Variants in JAZF1 observed in about 807,000 individuals in gnomAD.
The protein encoded by JAZF1 is JAZF zinc finger 1, also known as juxtaposed with another zinc finger protein 1.
Under a neutral mutation model 26.4 loss-of-function variants are expected in JAZF1, and 8 were observed. The ratio of observed to expected loss-of-function variants is 0.30; its 90% CI spans 0.18 to 0.55. The LOEUF (loss-of-function observed/expected upper bound fraction) is 0.55, where lower values mean the gene tolerates loss of function less well. Ranked by LOEUF, JAZF1 falls within the 20% of genes least tolerant of loss-of-function variation. The pLI, the probability that JAZF1 is intolerant of heterozygous loss-of-function variation, is 0.94. For missense variants in JAZF1, 199 were observed against 322.0 expected, an observed-to-expected ratio of 0.62 and a Z score of 2.92; for synonymous variants, 126 against 122.3, an observed-to-expected ratio of 1.03 and a Z score of -0.20.
intron 1 of JAZF1, among the ~76,000 whole-genome samples, chr7:28,096,173 T>C (rs1784381551): frequency 6.6e-6 from 1 of 152,076 alleles, no homozygotes; most frequent in South Asian, 2.1e-4. Flanking sequence ...AAGAGAGAAG[T>C]GGGAGGCAGG....
At chr7:27,927,301 A>G (rs1014339242) in intron 2 of JAZF1, among the ~76,000 whole-genome samples, 1 of 152,182 alleles carries the variant, frequency 6.6e-6, no homozygotes, top group Non-Finnish European at 1.5e-5. Flanking sequence ...TATTTACTAA[A>G]GAAATGAACA....
rs188293263 is a variant in JAZF1 at position 27,935,605 on chromosome 7, A to T, written c.189-40189T>A. The stretch of plus-strand genomic sequence containing the variant: ...TTTGAGAGATGACAAAAATATTCTA[A>T]AACTAGGTTGTATTGATGGCTGCAC... On this transcript the variant is annotated intron_variant, in intron 2 of 4. Transcript: ENST00000283928. Among the ~76,000 whole-genome samples the T allele has an allele frequency of 1.2e-4, 19 of 152,286 alleles. No individual in the cohort carries two copies. The East Asian group carries it at 3.7e-3, about 29-fold the overall frequency.
At chr7:27,872,853 A>G (rs1223193557) in intron 3 of JAZF1, among the ~76,000 whole-genome samples, 1 of 152,158 alleles carries the variant, frequency 6.6e-6, no homozygotes, top group Non-Finnish European at 1.5e-5. Flanking sequence ...CAATATCAGG[A>G]AACAGGTCTG....
chr7:27,917,697 GA>G (rs1784465309), intron 2 of JAZF1, among the ~76,000 whole-genome samples: 2 of 152,210 alleles, frequency 1.3e-5, no homozygotes, highest in African/African-American at 4.8e-5. Flanking sequence ...TGCGAGTGGG[GA>G]AAAGTACTGC....
chr7:28,069,611 A>G (rs1783942539), intron 1 of JAZF1, among the ~76,000 whole-genome samples: 1 of 152,174 alleles, frequency 6.6e-6, no homozygotes, highest in Admixed American at 6.5e-5. Flanking sequence ...ACCAGGTTCA[A>G]AGGGCAGAAG....
At chr7:27,990,182 G>A (rs946851215) in intron 2 of JAZF1, among the ~76,000 whole-genome samples, 9 of 152,092 alleles carry the variant, frequency 5.9e-5, no homozygotes, top group African/African-American at 2.2e-4. Flanking sequence ...ACTATTGCAA[G>A]GACAGAAAAC....
chr7:28,092,001 G>T lies in JAZF1; in HGVS notation c.115+88462C>A, dbSNP rs375276761. On this transcript the variant is annotated intron_variant, in intron 1 of 4. Coordinates refer to ENST00000283928, the MANE Select transcript of JAZF1 (RefSeq NM_175061.4). Reference sequence around the variant, plus strand: ...CGATGGCTTAATTACACAAGTACATGGCAACATTCAACTTCTAGTGAGAAA... The same window carrying T: ...CGATGGCTTAATTACACAAGTACATTGCAACATTCAACTTCTAGTGAGAAA... 1.6e-4 allele frequency among the ~76,000 whole-genome samples: 24 copies of T among 152,080 alleles called. 1 individual carries two copies. The South Asian group carries it at 3.7e-3, about 24-fold the overall frequency.
At chr7:27,972,098 C>G (rs1339399163) in intron 2 of JAZF1, among the ~76,000 whole-genome samples, 1 of 152,090 alleles carries the variant, frequency 6.6e-6, no homozygotes, top group East Asian at 1.9e-4. Flanking sequence ...AAATCTCTGC[C>G]CCCATGGAGC....
intron 2 of JAZF1, among the ~76,000 whole-genome samples, chr7:27,931,636 T>C (rs948964963): frequency 6.6e-6 from 1 of 152,122 alleles, no homozygotes; most frequent in African/African-American, 2.4e-5. Flanking sequence ...GCCAATATGG[T>C]GAAACCCCGT....
At chr7:28,095,481 G>A (rs1055585237) in intron 1 of JAZF1, among the ~76,000 whole-genome samples, 1 of 152,132 alleles carries the variant, frequency 6.6e-6, no homozygotes, top group Non-Finnish European at 1.5e-5. Context: ...ACTATCATGA[G>A]AACAGCATGG....
chr7:27,938,580 G>A (rs1784793604), intron 2 of JAZF1, among the ~76,000 whole-genome samples: 1 of 152,192 alleles, frequency 6.6e-6, no homozygotes, highest in Non-Finnish European at 1.5e-5. Context: ...ACAGTTGTGA[G>A]GATTGAATGA....
chr7:27,897,090 T>G (rs12668668), intron 2 of JAZF1, among the ~76,000 whole-genome samples: 27,864 of 152,000 alleles, frequency 0.18, 3,232 homozygotes, highest in East Asian at 0.44. Flanking sequence ...GCTTTTTTTT[T>G]TATTATCCTA....
chr7:28,101,637 G>C (rs985728989), intron 1 of JAZF1, among the ~76,000 whole-genome samples: 4 of 150,156 alleles, frequency 2.7e-5, no homozygotes, highest in African/African-American at 7.4e-5. Flanking sequence ...CCAGCTACTT[G>C]GGAGGCTGTG....
At chr7:28,098,115 G>A (rs560460760) in intron 1 of JAZF1, among the ~76,000 whole-genome samples, 1 of 152,140 alleles carries the variant, frequency 6.6e-6, no homozygotes, top group Non-Finnish European at 1.5e-5. Flanking sequence ...GATATTTGGA[G>A]TGAAGCCTTT....
At chr7:27,858,661 G>C (rs1340376533) in intron 3 of JAZF1, among the ~76,000 whole-genome samples, 1 of 152,186 alleles carries the variant, frequency 6.6e-6, no homozygotes, top group African/African-American at 2.4e-5. Flanking sequence ...ATGCTGTTGG[G>C]AAAACTGGCT....
intron 1 of JAZF1, among the ~76,000 whole-genome samples, chr7:28,027,638 C>T (rs1245904033): frequency 6.6e-6 from 1 of 152,142 alleles, no homozygotes; most frequent in Non-Finnish European, 1.5e-5. Flanking sequence ...AATCTGCTGG[C>T]TGCAACATAA....
chr7:27,955,663 A>C (rs1785076795), intron 2 of JAZF1, among the ~76,000 whole-genome samples: 1 of 152,238 alleles, frequency 6.6e-6, no homozygotes, highest in African/African-American at 2.4e-5. Context: ...CCTGCTCAGC[A>C]ATTTGACTAT....
At chr7:27,957,709 A>G (rs1785121897) in intron 2 of JAZF1, among the ~76,000 whole-genome samples, 1 of 152,240 alleles carries the variant, frequency 6.6e-6, no homozygotes, top group Admixed American at 6.5e-5. Context: ...AGATTAATGA[A>G]TTCACAGTCT....
chr7:27,865,707 A>G (rs1783461758), intron 3 of JAZF1, among the ~76,000 whole-genome samples: 1 of 152,070 alleles, frequency 6.6e-6, no homozygotes, highest in Admixed American at 6.5e-5. Context: ...CCCACCAGGA[A>G]CCTGAAGTTT....
Sources: allele counts gnomAD v4.1 joint callset (sites outside exome capture counted in the v4.1 genomes callset), GRCh38; gene constraint gnomAD v4.1.1; transcripts MANE v1.5; gene names NCBI Gene and HGNC (gene_info 2026-07-23, HGNC 2026-07-21).